Variants in JADE3 observed in about 807,000 individuals in gnomAD.
The protein encoded by JADE3 is jade family PHD finger 3, also known as protein Jade-3.
Under a neutral mutation model 50.1 loss-of-function variants are expected in JADE3, and 2 were observed. The observed-to-expected ratio is 0.04, with a 90% CI of 0.02 to 0.13. The LOEUF (loss-of-function observed/expected upper bound fraction) is 0.13. Among genes scored for constraint, JADE3 ranks in the 10% least tolerant of loss-of-function variants. The probability of loss-of-function intolerance (pLI) is 1.00; values close to 1 mark genes in which losing one functional copy is unlikely to be tolerated. For synonymous variants in JADE3, 218 were observed against 232.9 expected, an observed-to-expected ratio of 0.94 and a Z score of 0.58; for missense variants, 475 against 634.4, an observed-to-expected ratio of 0.75 and a Z score of 2.70.
intron 1 of JADE3, among the ~76,000 whole-genome samples, chrX:46,928,397 AC>A (rs782212546): frequency 8.9e-6 from 1 of 111,915 alleles, no homozygotes; most frequent in African/African-American, 3.2e-5. Flanking sequence ...TTACTCTGTG[AC>A]CTATTTGTGT....
intron 1 of JADE3, among the ~76,000 whole-genome samples, chrX:46,956,252 A>G (rs1354019403): frequency 1.8e-5 from 2 of 111,669 alleles, no homozygotes; most frequent in African/African-American, 6.5e-5. Flanking sequence ...TTTAGTAGAC[A>G]AGGGGTTTCA....
At chrX:47,013,281 T>C (rs1304806163) in intron 4 of JADE3, among the ~76,000 whole-genome samples, 3 of 111,960 alleles carry the variant, frequency 2.7e-5, no homozygotes, top group African/African-American at 9.7e-5. Flanking sequence ...CCCAAAGTGC[T>C]AAGATTACAA....
intron 5 of JADE3, among the ~76,000 whole-genome samples, chrX:47,025,429 A>G (rs186314222): frequency 8.9e-6 from 1 of 112,322 alleles, no homozygotes; most frequent in Non-Finnish European, 1.9e-5. Flanking sequence ...TACCTGGAAG[A>G]AAAGTTGCAG....
intron 1 of JADE3, among the ~76,000 whole-genome samples, chrX:46,952,769 G>T (rs1178522563): frequency 8.9e-6 from 1 of 111,852 alleles, no homozygotes; most frequent in Non-Finnish European, 1.9e-5. Context: ...AGGCCGAGGC[G>T]TATGGATCAC....
intron 5 of JADE3, among the ~76,000 whole-genome samples, chrX:47,026,698 A>C (rs1205139452): frequency 1.8e-5 from 2 of 111,680 alleles, no homozygotes; most frequent in African/African-American, 6.5e-5. Context: ...AGAACTTTTT[A>C]AGTTGAGTGC....
At chrX:47,012,180 C>T (rs1171898841) in intron 4 of JADE3, among the ~76,000 whole-genome samples, 1 of 112,000 alleles carries the variant, frequency 8.9e-6, no homozygotes, top group African/African-American at 3.2e-5. Flanking sequence ...GAGTTCTTTA[C>T]ATATTCTGGA....
At chrX:46,953,637 T>C (rs1927055879) in intron 1 of JADE3, among the ~76,000 whole-genome samples, 1 of 112,034 alleles carries the variant, frequency 8.9e-6, no homozygotes, top group African/African-American at 3.2e-5. Flanking sequence ...GTTTCAGATA[T>C]GTAGTGTTTG....
At chrX:47,054,996 A>G (rs1929605541) in intron 9 of JADE3, among the ~76,000 whole-genome samples, 1 of 111,473 alleles carries the variant, frequency 9.0e-6, no homozygotes, top group Non-Finnish European at 1.9e-5. Context: ...TTAGAGTTTC[A>G]CAAACTTGGC....
intron 7 of JADE3, among the ~76,000 whole-genome samples, chrX:47,036,417 C>CT (rs1339568439): frequency 9.0e-6 from 1 of 110,917 alleles, no homozygotes; most frequent in East Asian, 2.8e-4. Context: ...GATACCATCT[C>CT]ACACCAGTTA....
chrX:46,975,332 C>T (rs1444449332), intron 1 of JADE3, among the ~76,000 whole-genome samples: 3 of 111,947 alleles, frequency 2.7e-5, no homozygotes, highest in African/African-American at 9.7e-5. Context: ...CGGTTGTAAA[C>T]GTCCTATATG....
intron 1 of JADE3, among the ~76,000 whole-genome samples, chrX:46,953,923 C>G (rs782579187): frequency 9.0e-6 from 1 of 111,124 alleles, no homozygotes; most frequent in East Asian, 2.8e-4. Context: ...TCTCCTCCTC[C>G]CTCTCCTGTT....
intron 1 of JADE3, among the ~76,000 whole-genome samples, chrX:46,974,289 C>T (rs183910157): frequency 0.024 from 2,613 of 109,522 alleles, 47 homozygotes; most frequent in Middle Eastern, 0.075. Context: ...GCCTGTAGTC[C>T]CAGTCCTCGG....
intron 1 of JADE3, among the ~76,000 whole-genome samples, chrX:46,958,935 A>G (rs1357356212): frequency 9.0e-6 from 1 of 111,082 alleles, no homozygotes; most frequent in African/African-American, 3.3e-5. Flanking sequence ...ACAATAACCA[A>G]CCCTTTTTAT....
At chrX:46,974,171 A>C (rs1237091268) in intron 1 of JADE3, among the ~76,000 whole-genome samples, 1 of 111,624 alleles carries the variant, frequency 9.0e-6, no homozygotes, top group Non-Finnish European at 1.9e-5. Flanking sequence ...TGGGAGGCCC[A>C]GGCGGGCGGA....
chrX:47,025,972 TAGTTACTCTGCC>T (rs1928900775), intron 5 of JADE3, among the ~76,000 whole-genome samples: 1 of 108,136 alleles, frequency 9.2e-6, no homozygotes, highest in Admixed American at 9.7e-5. Flanking sequence ...ATGGGAATGA[TAGTTACTCTGCC>T]AGTAACCAAT....
chrX:47,050,123 G>A (rs1030776807), intron 8 of JADE3, among the ~76,000 whole-genome samples: 2 of 107,472 alleles, frequency 1.9e-5, no homozygotes, highest in East Asian at 3.0e-4. Flanking sequence ...TATTAGAGAC[G>A]AGGTCTCACT....
chrX:47,023,640 G>T lies in JADE3; in HGVS notation c.285-1084G>T, dbSNP rs979511670. Among the ~76,000 whole-genome samples the T allele has an allele frequency of 5.3e-5, 6 of 112,742 alleles. No homozygotes were observed. The East Asian group carries it at 1.7e-3, about 31-fold the overall frequency. On this transcript the variant is annotated intron_variant, in intron 4 of 10. Transcript: ENST00000614628. ...ATAAAGTAAGTGGCCAGGCACAGTGGCTCACGCCTGTAATCCCAGCGCTTT... is the reference window on the plus strand; with the variant it reads ...ATAAAGTAAGTGGCCAGGCACAGTGTCTCACGCCTGTAATCCCAGCGCTTT...
chrX:47,015,719 T>C (rs1374720255), intron 4 of JADE3, among the ~76,000 whole-genome samples: 1 of 99,908 alleles, frequency 1.0e-5, no homozygotes, highest in Non-Finnish European at 2.0e-5. Context: ...AGTCTCAGCA[T>C]CTTTTTTTTT....
chrX:46,991,060 CACT>C (rs1927988339), intron 3 of JADE3, among the ~76,000 whole-genome samples: 1 of 5,339 alleles, frequency 1.9e-4, no homozygotes, highest in Non-Finnish European at 5.0e-4. Flanking sequence ...CTCCCTCCCT[CACT>C]CCCTCCCTCC....
Sources: gnomAD v4.1 joint callset for allele counts (sites outside exome capture counted in the v4.1 genomes callset) on GRCh38, gnomAD v4.1.1 for gene constraint, MANE v1.5 for transcripts, NCBI Gene and HGNC (gene_info 2026-07-23, HGNC 2026-07-21) for gene names.